Variants in HSPG2 observed in about 807,000 individuals in gnomAD.
HSPG2 encodes the protein basement membrane-specific heparan sulfate proteoglycan core protein.
In HSPG2, 278 loss-of-function variants were observed where a neutral mutation model predicts 526.6. The observed-to-expected ratio is 0.53, with a 90% CI of 0.48 to 0.58. The LOEUF (loss-of-function observed/expected upper bound fraction) is 0.58, where lower values mean the gene tolerates loss of function less well. Among genes scored for constraint, HSPG2 ranks in the 20% least tolerant of loss-of-function variants. The pLI is 0.00. For missense variants in HSPG2, 5,354 were observed against 6,099.5 expected, an observed-to-expected ratio of 0.88 and a Z score of 4.07; for synonymous variants, 2,465 against 2,555.4, an observed-to-expected ratio of 0.96 and a Z score of 1.07.
chr1:21,842,852 T>C lies in HSPG2; in HGVS notation c.8828A>G (p.Asp2943Gly). The change falls in exon 67 of 97, where the codon GAT becomes GGT. Residue 2943 changes from aspartate to glycine, a missense_variant. Asp to Gly is a moderately conservative substitution (Grantham distance 94). Transcript: ENST00000374695. ...SSHVTEGQTL[D>G]LNCVVPGQAH... ...CTGCCCGGGCACCACACAGTTCAGA[T>C]CCAGAGTCTGCCCTTCAGTCACGTG... The C allele has an allele frequency of 1.2e-6, 2 of 1,614,062 alleles. No individual in the cohort carries two copies. The highest frequency in any genetic ancestry group is 1.1e-5 in the South Asian group (1 of 91,084).
chr1:21,854,053 C>G lies in HSPG2; in HGVS notation c.6439+140G>C, dbSNP rs562892598. On this transcript the variant is annotated intron_variant, in intron 50 of 96. Transcript: ENST00000374695. The stretch of plus-strand genomic sequence containing the variant: ...ACCTCCCTCCCGTCCACTCAACCTC[C>G]TTCTCTCTCTGAGCAGGCGCTGAAG... 3.7e-3 allele frequency: 3,525 copies of G among 940,964 alleles called. 22 individuals carry two copies. Among genetic ancestry groups the G allele is most frequent in the Admixed American group, 5.4e-3 (187 of 34,808 alleles). 58.3% of individuals were successfully genotyped at this position (940,964 alleles called of 1,614,324 possible).
At position 21,887,426 on chromosome 1, in the gene HSPG2, C is replaced by T. The variant is rs1454541632; in HGVS notation, c.952G>A (p.Asp318Asn). The T allele has an allele frequency of 6.2e-7, 1 of 1,614,060 alleles. No homozygotes were observed. The highest frequency in any genetic ancestry group is 2.2e-5 in the East Asian group (1 of 44,872). ...EDCEDGSDEL[D>N]CGPPPPCEPN... ...CACCCCTGCCGGTGCGCACCACAGT[C>T]TAGCTCATCGCTGCCGTCCTCGCAG... The change falls in exon 8 of 97, where the codon GAC (aspartate) becomes AAC (asparagine). Residue 318 changes from aspartate to asparagine, a missense_variant. Physicochemically the swap from Asp to Asn is conservative, Grantham distance 23. Transcript: ENST00000374695. This position sits in a 1 kb window ranked among gnomAD's most constrained non-coding sequence, Gnocchi z 5.0.
intron 21 of HSPG2, 30 bp downstream of exon 21, chr1:21,878,156 C>T (rs1159932343): frequency 6.2e-7 from 1 of 1,606,440 alleles, no homozygotes; most frequent in Non-Finnish European, 8.5e-7. Flanking sequence ...GGCCCAAGGC[C>T]CCTGGGTGGG....
At chr1:21,917,387 C>G (rs997259213) in intron 1 of HSPG2, among the ~76,000 whole-genome samples, 1 of 151,564 alleles carries the variant, frequency 6.6e-6, no homozygotes, top group Non-Finnish European at 1.5e-5. Context: ...GGGCCATGAT[C>G]GTGCCACTGC....
At chr1:21,826,052 G>A (rs1209216063) in intron 91 of HSPG2, among the ~76,000 whole-genome samples, 2 of 151,746 alleles carry the variant, frequency 1.3e-5, no homozygotes, top group East Asian at 1.9e-4. Flanking sequence ...CAAAGTGCTG[G>A]GATGACAGGT....
At chr1:21,930,512 G>T (rs1296662429) in intron 1 of HSPG2, among the ~76,000 whole-genome samples, 1 of 152,304 alleles carries the variant, frequency 6.6e-6, no homozygotes, top group Non-Finnish European at 1.5e-5. Flanking sequence ...AGTGGCTCAC[G>T]CCTGTAATCC....
intron 6 of HSPG2, among the ~76,000 whole-genome samples, chr1:21,888,891 GC>G (rs952344802): frequency 6.6e-6 from 1 of 152,230 alleles, no homozygotes; most frequent in African/African-American, 2.4e-5. Flanking sequence ...AGAAGAGCAA[GC>G]TTGATCTCTG....
chr1:21,830,010 C>G lies in HSPG2; in HGVS notation c.11753G>C (p.Gly3918Ala). Residue 3918 changes from glycine (G) to alanine (A), a missense_variant, in exon 86 of 97, where the codon GGG becomes GCG. Physicochemically the swap from Gly to Ala is moderately conservative, Grantham distance 60 (BLOSUM62 0). Coordinates refer to ENST00000374695, the MANE Select transcript of HSPG2 (RefSeq NM_005529.7). Reference protein sequence around the residue: ...YTCRCHLGRSGLRCEEGVTVT... With the variant: ...YTCRCHLGRSALRCEEGVTVT... ...CCCCTCACCTTCCTCACACCGCAAC[C>G]CCGAGCGGCCCAGGTGGCAGCGGCA... The G allele has an allele frequency of 6.2e-7, 1 of 1,609,900 alleles. No homozygotes were observed. The highest frequency in any genetic ancestry group is 1.1e-5 in the South Asian group (1 of 90,038).
intron 1 of HSPG2, among the ~76,000 whole-genome samples, chr1:21,901,866 C>T (rs192031484): frequency 1.3e-3 from 192 of 152,292 alleles, no homozygotes; most frequent in African/African-American, 4.3e-3. Flanking sequence ...TGCCCCTTCC[C>T]CTGCCCACTG....
At chr1:21,886,233 C>G (rs890289550) in intron 9 of HSPG2, among the ~76,000 whole-genome samples, 1 of 152,240 alleles carries the variant, frequency 6.6e-6, no homozygotes, top group African/African-American at 2.4e-5. Context: ...TTGACTTCCC[C>G]AGGAGAGGCC....
chr1:21,889,721 A>T, intron 6 of HSPG2: 1 of 535,934 alleles, frequency 1.9e-6, no homozygotes, highest in Non-Finnish European at 3.4e-6. Context: ...CAGGATAAAT[A>T]AAGGCCTGAT....
In HSPG2 at chr1:21,848,966, A is replaced by G; in HGVS notation, c.7512T>C (p.Arg2504=). ...CCTGGGTACCTGAGCTGCCGACCAC[A>G]CGGCACACGTACTCCCCTGAATCAG... ...TPADSGEYVC[R]VVGSSGTQEA... The change falls in exon 58 of 97, where the codon CGT becomes CGC. Residue 2504 remains arginine (R), a synonymous_variant. Transcript: ENST00000374695. The surrounding 1 kb of genome is among the most constrained non-coding windows in gnomAD (Gnocchi z 4.9). The G allele has an allele frequency of 6.2e-7, 1 of 1,613,834 alleles. No individual in the cohort carries two copies. Among genetic ancestry groups the G allele is most frequent in the Non-Finnish European group, 8.5e-7 (1 of 1,179,968 alleles).
chr1:21,874,855 G>T, intron 26 of HSPG2, 36 bp downstream of exon 26: 1 of 1,566,268 alleles, frequency 6.4e-7, no homozygotes, highest in Non-Finnish European at 8.7e-7. Flanking sequence ...CACCATGGAG[G>T]GGGCTGGCTG....
Position 21,829,075 on chromosome 1 carries a change from C to T in HSPG2, c.11997G>A (p.Leu3999=), listed in dbSNP as rs1557672473. The T allele has an allele frequency of 1.3e-6, 2 of 1,539,170 alleles. No individual in the cohort carries two copies. The highest frequency in any genetic ancestry group is 2.4e-5 in the East Asian group (1 of 40,872). The change falls in exon 88 of 97, where the codon CTG becomes CTA. Residue 3999 remains leucine, a synonymous_variant. Transcript: ENST00000374695. ...GCGGCTCGGCGCTCCGCAGAACGGC[C>T]AGCCCTGGGGAGGATGCCAGGCAGG... ...LEFRYELGSG[L]AVLRSAEPLA...
chr1:21,928,217 G>T (rs969271083), intron 1 of HSPG2, among the ~76,000 whole-genome samples: 1 of 152,214 alleles, frequency 6.6e-6, no homozygotes, highest in Non-Finnish European at 1.5e-5. Context: ...ACAGTGCCCA[G>T]GGAAGTGGCT....
At chr1:21,936,634 C>T (rs1644496559) in intron 1 of HSPG2, among the ~76,000 whole-genome samples, 1 of 152,184 alleles carries the variant, frequency 6.6e-6, no homozygotes, top group South Asian at 2.1e-4. Context: ...CGTGGGTGTT[C>T]CACACAAGCT....
intron 45 of HSPG2, 36 bp from the exon 46 acceptor site, chr1:21,855,711 CT>C: frequency 1.9e-6 from 3 of 1,593,734 alleles, no homozygotes; most frequent in Non-Finnish European, 2.6e-6. Context: ...CCCACCAAGC[CT>C]GCTCAGAGTC....
Position 21,880,470 on chromosome 1 carries a change from G to C in HSPG2, c.2088C>G (p.Thr696=). The change falls in exon 16 of 97, where the codon ACC becomes ACG. Residue 696 remains threonine, a synonymous_variant. Coordinates refer to ENST00000374695, the MANE Select transcript of HSPG2 (RefSeq NM_005529.7). ...CGCTGGCCATCTTGGTGTTGTACACGGTCTGGATGAGCACGGCCTCCAGGC... is the reference window on the plus strand; with the variant it reads ...CGCTGGCCATCTTGGTGTTGTACACCGTCTGGATGAGCACGGCCTCCAGGC... ...LQSLEAVLIQ[T]VYNTKMASVG... 1.2e-6 allele frequency: 2 copies of C among 1,613,864 alleles called. No individual in the cohort carries two copies. The highest frequency in any genetic ancestry group is 1.1e-5 in the South Asian group (1 of 91,072).
chr1:21,897,604 G>A (rs377530815), intron 1 of HSPG2, among the ~76,000 whole-genome samples: 8 of 152,170 alleles, frequency 5.3e-5, no homozygotes, highest in African/African-American at 1.9e-4. Flanking sequence ...GGAATAAGGA[G>A]GATCAAACCA....
Sources: allele counts gnomAD v4.1 joint callset (sites outside exome capture counted in the v4.1 genomes callset), GRCh38; gene constraint gnomAD v4.1.1; non-coding constraint Gnocchi (gnomAD v3.1); transcripts MANE v1.5; gene names NCBI Gene and HGNC (gene_info 2026-07-23, HGNC 2026-07-21).